Variants in RSPH14 observed in about 807,000 individuals in gnomAD.
The protein encoded by RSPH14 is rhabdoid tumor deletion region gene 1.
RSPH14 carries 20 observed loss-of-function variants against 26.7 expected under a neutral mutation model. That is an observed-to-expected ratio of 0.75 (90% CI 0.53 to 1.09). The LOEUF is 1.09. Among genes scored for constraint, RSPH14 ranks in the 50% least tolerant of loss-of-function variants. The probability of loss-of-function intolerance (pLI) is 0.00; values close to 1 mark genes in which losing one functional copy is unlikely to be tolerated. For synonymous variants in RSPH14, 177 were observed against 189.3 expected (o/e 0.93, Z 0.53); for missense variants, 449 against 457.2 (o/e 0.98, Z 0.16).
chr22:23,142,855 A>C (rs2070625673), upstream of RSPH14, among the ~76,000 whole-genome samples: 1 of 152,330 alleles, frequency 6.6e-6, no homozygotes, highest in African/African-American at 2.4e-5. Context: ...GGCTGAGTCC[A>C]AACTCCTAGC....
At chr22:23,153,154 A>G in the RSPH14 span, 39 of 1,594,232 alleles carry the variant, frequency 2.4e-5, no homozygotes, top group Middle Eastern at 1.7e-4. Flanking sequence ...TGGTTCCCCC[A>G]TGGCTCGTGG....
chr22:23,142,065 T>G, upstream of RSPH14: 7 of 983,700 alleles, frequency 7.1e-6, no homozygotes, highest in Non-Finnish European at 8.4e-6. Flanking sequence ...GCGGTCGACA[T>G]AATCAGCACC....
At chr22:23,075,866 G>A (rs1319580427) in intron 4 of RSPH14, among the ~76,000 whole-genome samples, 1 of 152,120 alleles carries the variant, frequency 6.6e-6, no homozygotes. Flanking sequence ...TGTGAGTCAC[G>A]GAGGCCAAGG....
the RSPH14 span, chr22:23,157,912 G>A: frequency 5.0e-6 from 8 of 1,598,700 alleles, no homozygotes; most frequent in East Asian, 1.1e-4. Flanking sequence ...CAGTTCCTTG[G>A]GAGCTGGGCA....
intron 4 of RSPH14, among the ~76,000 whole-genome samples, chr22:23,081,924 G>A (rs2068690343): frequency 6.6e-6 from 1 of 150,612 alleles, no homozygotes; most frequent in Admixed American, 6.6e-5. Flanking sequence ...AGGAGATCGA[G>A]ACCATCCTGG....
chr22:23,133,115 G>A (rs1218817732), intron 4 of RSPH14: 4 of 152,130 alleles, frequency 2.6e-5, no homozygotes, highest in East Asian at 1.9e-4. Context: ...CAAAATAAAT[G>A]CATATACATG....
intron 1 of RSPH14, 21 bp from the exon 2 acceptor site, chr22:23,140,493 G>A: frequency 6.5e-7 from 1 of 1,549,416 alleles, no homozygotes; most frequent in Middle Eastern, 1.7e-4. Context: ...CCAAAAAGCT[G>A]TCATTATTTC....
intron 4 of RSPH14, among the ~76,000 whole-genome samples, chr22:23,132,429 T>C (rs952105893): frequency 6.6e-6 from 1 of 152,212 alleles, no homozygotes; most frequent in African/African-American, 2.4e-5. Context: ...ACTCCCCATC[T>C]AGTCAGCAGG....
intron 4 of RSPH14, among the ~76,000 whole-genome samples, chr22:23,082,591 C>T (rs1725813385): frequency 6.6e-6 from 1 of 152,012 alleles, no homozygotes; most frequent in African/African-American, 2.4e-5. Flanking sequence ...AGGTTGTAAA[C>T]CAGGAGTCTA....
intron 3 of RSPH14, among the ~76,000 whole-genome samples, chr22:23,135,413 A>AC (rs1397675411): frequency 2.0e-5 from 3 of 151,016 alleles, no homozygotes; most frequent in Admixed American, 2.0e-4. Flanking sequence ...AATGGTGTGA[A>AC]CCCGGGAGGT....
the RSPH14 span, chr22:23,157,995 T>C: frequency 6.2e-7 from 1 of 1,614,220 alleles, no homozygotes; most frequent in Non-Finnish European, 8.5e-7. Flanking sequence ...TGTCTAGTGA[T>C]CATCACGGCC....
intron 1 of RSPH14, among the ~76,000 whole-genome samples, chr22:23,140,936 A>G (rs539556360): frequency 6.6e-6 from 1 of 152,354 alleles, no homozygotes; most frequent in South Asian, 2.1e-4. Context: ...GAAACTGGTA[A>G]GACTAGAAGC....
the RSPH14 span, among the ~76,000 whole-genome samples, chr22:23,166,085 G>T: frequency 5.2e-4 from 74 of 141,910 alleles, 1 homozygote; most frequent in African/African-American, 1.9e-3. Context: ...GGTGGAAGTT[G>T]CAGTGAGCCG....
chr22:23,155,735 G>A, the RSPH14 span, among the ~76,000 whole-genome samples: 42 of 152,322 alleles, frequency 2.8e-4, no homozygotes, highest in Admixed American at 2.5e-3. Flanking sequence ...AACAACTAAT[G>A]CCACACACCC....
rs1309679327 is a variant in RSPH14 at position 23,063,918 on chromosome 22, C to T, written c.637G>A (p.Ala213Thr). The T allele has an allele frequency of 6.2e-7, 1 of 1,614,154 alleles. No individual in the cohort carries two copies. The highest frequency in any genetic ancestry group is 1.7e-5 in the Admixed American group (1 of 60,034). The change falls in exon 5 of 7, where the codon GCG (alanine) becomes ACG (threonine). Residue 213 changes from alanine (A) to threonine (T), a missense_variant. Transcript: ENST00000216036. ...AGGCCTCACCTGACATTAAGGAGCG[C>T]ACGGGCGGCCTTGCTGCGGATGTTC... Reference protein sequence around the residue: ...NQNIRSKAARALLNVSISREG... With the variant: ...NQNIRSKAARTLLNVSISREG...
intron 3 of RSPH14, 143 bp from the exon 4 acceptor site, chr22:23,134,287 G>A (rs1327993803): frequency 1.6e-6 from 1 of 628,542 alleles, no homozygotes; most frequent in Non-Finnish European, 2.8e-6. Flanking sequence ...AGCAGACAAA[G>A]GCTACAGGTG....
chr22:23,107,528 G>C (rs919602937), intron 4 of RSPH14, among the ~76,000 whole-genome samples: 16 of 152,194 alleles, frequency 1.1e-4, no homozygotes, highest in African/African-American at 3.6e-4. Context: ...TGCCACTCGA[G>C]AGTCTCCACT....
At chr22:23,094,309 G>A (rs771746644) in intron 4 of RSPH14, among the ~76,000 whole-genome samples, 14 of 152,160 alleles carry the variant, frequency 9.2e-5, no homozygotes, top group African/African-American at 1.2e-4. Flanking sequence ...GCTGCCCCTC[G>A]TGTGGGGAGG....
the RSPH14 span, among the ~76,000 whole-genome samples, chr22:23,158,437 C>T: frequency 1.3e-5 from 2 of 152,196 alleles, no homozygotes; most frequent in Non-Finnish European, 1.5e-5. Context: ...TTGGCACTTG[C>T]AGTCTTGAGA....
Sources: gnomAD v4.1 joint callset for allele counts (sites outside exome capture counted in the v4.1 genomes callset) on GRCh38, gnomAD v4.1.1 for gene constraint, MANE v1.5 for transcripts, NCBI Gene and HGNC (gene_info 2026-07-23, HGNC 2026-07-21) for gene names.